PMFBP1: variants seen among roughly 807,000 people sequenced by gnomAD.
PMFBP1 encodes the protein polyamine-modulated factor 1-binding protein 1.
In PMFBP1, 131 loss-of-function variants were observed where a neutral mutation model predicts 137.8. That is an observed-to-expected ratio of 0.95 (90% confidence interval 0.82 to 1.10). PMFBP1 has a LOEUF of 1.10. Among genes scored for constraint, PMFBP1 ranks in the 50% least tolerant of loss-of-function variants. PMFBP1 has a pLI of 0.00. For missense variants in PMFBP1, 1,199 were observed against 1,175.4 expected, an observed-to-expected ratio of 1.02 and a Z score of -0.29; for synonymous variants, 490 against 450.4, an observed-to-expected ratio of 1.09 and a Z score of -1.11.
At chr16:72,226,794 G>A in the PMFBP1 span, among the ~76,000 whole-genome samples, 79,696 of 151,870 alleles carry the variant, frequency 0.52, 22,158 homozygotes, top group East Asian at 0.75. Context: ...TTTCAGTCTC[G>A]CCACAACATG....
chr16:72,205,717 T>C, the PMFBP1 span, among the ~76,000 whole-genome samples: 1 of 152,088 alleles, frequency 6.6e-6, no homozygotes, highest in Non-Finnish European at 1.5e-5. Context: ...GGCCCTTTTG[T>C]TTATAGTCGT....
chr16:72,120,253 G>T, intron 19 of PMFBP1, 164 bp from the exon 20 acceptor site: 1 of 1,207,510 alleles, frequency 8.3e-7, no homozygotes. Context: ...AAGCCTACGT[G>T]TGTCCTGTGA....
chr16:72,192,171 A>T, the PMFBP1 span, among the ~76,000 whole-genome samples: 2 of 152,082 alleles, frequency 1.3e-5, no homozygotes, highest in Non-Finnish European at 2.9e-5. Context: ...TCCTAAGAGG[A>T]GGGAGGGAAG....
upstream of PMFBP1, among the ~76,000 whole-genome samples, chr16:72,176,495 A>G (rs754867929): frequency 8.5e-5 from 13 of 152,318 alleles, no homozygotes; most frequent in African/African-American, 2.4e-4. Context: ...GTTTTGGTCA[A>G]TGAGACATAA....
At chr16:72,128,506 G>C in intron 14 of PMFBP1, 151 bp downstream of exon 14, 2 of 1,553,852 alleles carry the variant, frequency 1.3e-6, no homozygotes, top group Non-Finnish European at 1.7e-6. Context: ...AGGTGCCAAT[G>C]GGGAGGGAAG....
chr16:72,188,106 T>C, the PMFBP1 span, among the ~76,000 whole-genome samples: 2 of 152,372 alleles, frequency 1.3e-5, no homozygotes, highest in South Asian at 4.1e-4. Context: ...ATGTAGTTTG[T>C]TTAATATAAC....
At position 72,119,330 on chromosome 16, in the gene PMFBP1, T is replaced by C. The variant is rs562600266; in HGVS notation, c.*8A>G. 2.2e-5 allele frequency: 35 copies of C among 1,612,754 alleles called. No individual in the cohort carries two copies. The highest frequency in any genetic ancestry group is 2.8e-5 in the Non-Finnish European group (33 of 1,178,724). Reference sequence around the variant, plus strand: ...CGTGGAAATGCTGCTCAGGGCTAGATGTGGATTCTAGCAGTATGAGGAACC... The same window carrying C: ...CGTGGAAATGCTGCTCAGGGCTAGACGTGGATTCTAGCAGTATGAGGAACC... On this transcript the variant is annotated 3_prime_UTR_variant, in exon 21 of 21. Coordinates refer to ENST00000237353, the MANE Select transcript of PMFBP1 (RefSeq NM_031293.3).
chr16:72,135,303 G>A (rs2042607544), intron 9 of PMFBP1, among the ~76,000 whole-genome samples: 2 of 151,532 alleles, frequency 1.3e-5, no homozygotes. Flanking sequence ...AGCCTCCCAA[G>A]TAGCTGGGAT....
At chr16:72,240,947 AAGAG>A in the PMFBP1 span, among the ~76,000 whole-genome samples, 53 of 131,584 alleles carry the variant, frequency 4.0e-4, no homozygotes, top group Admixed American at 1.5e-3. Context: ...GAGAGCGTGC[AAGAG>A]AGAGAGAGAG....
At chr16:72,150,935 G>T in intron 4 of PMFBP1, 106 bp from the exon 5 acceptor site, 1 of 922,328 alleles carries the variant, frequency 1.1e-6, no homozygotes, top group Non-Finnish European at 1.7e-6. Flanking sequence ...TGAACCAGAA[G>T]ACCAGATGAA....
chr16:72,246,179 A>G, the PMFBP1 span, among the ~76,000 whole-genome samples: 1 of 152,200 alleles, frequency 6.6e-6, no homozygotes, highest in African/African-American at 2.4e-5. Flanking sequence ...ATGGTAACAG[A>G]CAGTTGCTGA....
At chr16:72,214,679 T>C in the PMFBP1 span, among the ~76,000 whole-genome samples, 1 of 152,194 alleles carries the variant, frequency 6.6e-6, no homozygotes, top group African/African-American at 2.4e-5. Flanking sequence ...ATACAGAGCA[T>C]GTGTAGGACC....
At chr16:72,153,571 T>C (rs946416514) in intron 4 of PMFBP1, among the ~76,000 whole-genome samples, 1 of 151,984 alleles carries the variant, frequency 6.6e-6, no homozygotes, top group Non-Finnish European at 1.5e-5. Flanking sequence ...TGCTGCAGCT[T>C]TGGGTTTTTG....
chr16:72,169,598 C>G (rs2043192206), intron 2 of PMFBP1, among the ~76,000 whole-genome samples: 1 of 151,898 alleles, frequency 6.6e-6, no homozygotes. Context: ...ACATTCTGCA[C>G]ATGTATCCCA....
the PMFBP1 span, among the ~76,000 whole-genome samples, chr16:72,237,303 A>T: frequency 6.6e-6 from 1 of 152,244 alleles, no homozygotes; most frequent in Middle Eastern, 3.4e-3. Flanking sequence ...TCCATAGCTC[A>T]GGGAGGTAAT....
chr16:72,223,138 C>T, the PMFBP1 span, among the ~76,000 whole-genome samples: 3 of 152,158 alleles, frequency 2.0e-5, no homozygotes, highest in East Asian at 3.9e-4. Context: ...TTCTCCAGGA[C>T]ATCTCAAAGG....
the PMFBP1 span, among the ~76,000 whole-genome samples, chr16:72,243,299 C>A: frequency 6.6e-6 from 1 of 152,152 alleles, no homozygotes; most frequent in Non-Finnish European, 1.5e-5. Flanking sequence ...CAATGAGGCA[C>A]CAAGTGAATG....
In PMFBP1 at chr16:72,132,863, T is replaced by C. The variant is rs1473445721; in HGVS notation, c.1332A>G (p.Thr444=). 1 of 1,614,202 alleles carries C rather than the reference T, an allele frequency of 6.2e-7. No individual in the cohort carries two copies. Among genetic ancestry groups the C allele is most frequent in the South Asian group, 1.1e-5 (1 of 91,082 alleles). Residue 444 remains threonine (T), a synonymous_variant, in exon 10 of 21, where the codon ACA becomes ACG. Coordinates refer to ENST00000237353, the MANE Select transcript of PMFBP1 (RefSeq NM_031293.3). ...QQCMATELEM[T]VKEAKQDKSK... ...ACTTGTCCTGCTTAGCCTCCTTGAC[T>C]GTCATTTCAAGTTCTGTGGCCATGC...
the PMFBP1 span, among the ~76,000 whole-genome samples, chr16:72,199,612 C>T: frequency 1.4e-5 from 2 of 147,126 alleles, no homozygotes; most frequent in African/African-American, 5.1e-5. Flanking sequence ...TGAGATCATG[C>T]CATTGCACTC....
Sources: allele counts gnomAD v4.1 joint callset (sites outside exome capture counted in the v4.1 genomes callset), GRCh38; gene constraint gnomAD v4.1.1; transcripts MANE v1.5; gene names NCBI Gene and HGNC (gene_info 2026-07-23, HGNC 2026-07-21).